Variants in ATAD1 observed in about 807,000 individuals in gnomAD.
The protein encoded by ATAD1 is outer mitochondrial transmembrane helix translocase.
A neutral mutation model predicts 42.7 loss-of-function variants in ATAD1; 18 were observed. That is an observed-to-expected ratio of 0.42 (90% CI 0.29 to 0.63). ATAD1 has a LOEUF of 0.63. Among genes scored for constraint, ATAD1 ranks in the 20% least tolerant of loss-of-function variants. The pLI is 0.19. For synonymous variants in ATAD1, 132 were observed against 143.1 expected (o/e 0.92, Z 0.55); for missense variants, 294 against 440.4 (o/e 0.67, Z 2.98).
chr10:87,832,425 C>T (rs910085106), intron 1 of ATAD1, among the ~76,000 whole-genome samples: 10 of 151,202 alleles, frequency 6.6e-5, no homozygotes, highest in Non-Finnish European at 1.0e-4. Context: ...TGCAGTGGGC[C>T]GTGTTTGTGT....
chr10:87,782,360 C>T (rs951909841), intron 5 of ATAD1, among the ~76,000 whole-genome samples: 2 of 152,126 alleles, frequency 1.3e-5, no homozygotes, highest in African/African-American at 4.8e-5. Context: ...TCAGTAAAAA[C>T]AAAGTTAAAT....
At chr10:87,755,885 G>C (rs1276706736) in intron 9 of ATAD1, among the ~76,000 whole-genome samples, 5 of 152,140 alleles carry the variant, frequency 3.3e-5, no homozygotes, top group African/African-American at 9.7e-5. Context: ...CTGGGCAAAA[G>C]AGCGAAACTC....
intron 2 of ATAD1, 94 bp from the exon 3 acceptor site, chr10:87,792,849 A>C: frequency 3.4e-6 from 3 of 887,984 alleles, no homozygotes; most frequent in Middle Eastern, 4.7e-4. Context: ...AGCAATGAAC[A>C]GATAGATATA....
At chr10:87,826,863 A>G (rs912238731) in intron 1 of ATAD1, among the ~76,000 whole-genome samples, 15 of 152,224 alleles carry the variant, frequency 9.9e-5, no homozygotes, top group Non-Finnish European at 1.5e-5. Context: ...ATATTTCTTC[A>G]GTTGAATCAA....
intron 2 of ATAD1, among the ~76,000 whole-genome samples, chr10:87,802,389 A>T: frequency 6.6e-6 from 1 of 152,094 alleles, no homozygotes; most frequent in Middle Eastern, 3.4e-3. Flanking sequence ...CTTGGAATCA[A>T]GAGGAGAGGA....
chr10:87,795,041 A>G (rs776093007), intron 2 of ATAD1, among the ~76,000 whole-genome samples: 4 of 152,206 alleles, frequency 2.6e-5, no homozygotes, highest in African/African-American at 9.7e-5. Context: ...AACCCTTAAA[A>G]TTAACCTGAG....
intron 1 of ATAD1, among the ~76,000 whole-genome samples, chr10:87,830,545 A>G (rs1391754327): frequency 6.6e-6 from 1 of 152,198 alleles, no homozygotes; most frequent in Non-Finnish European, 1.5e-5. Flanking sequence ...ATCATGTTTA[A>G]CTGAGAATTA....
chr10:87,768,980 C>T (rs751689484), intron 7 of ATAD1, among the ~76,000 whole-genome samples: 3 of 152,046 alleles, frequency 2.0e-5, no homozygotes, highest in Non-Finnish European at 2.9e-5. Flanking sequence ...ACTCAGGAGG[C>T]TCAGGTGGAA....
At position 87,775,428 on chromosome 10, in the gene ATAD1, A is replaced by G. The variant is rs565427555; in HGVS notation, c.690+893T>C. Among the ~76,000 whole-genome samples the G allele has an allele frequency of 9.6e-5, 14 of 145,402 alleles. No individual in the cohort carries two copies. In the East Asian group the frequency reaches 2.7e-3, roughly 28 times the overall value. On this transcript the variant is annotated intron_variant, in intron 6 of 9. Coordinates refer to ENST00000680024, the MANE Select transcript of ATAD1 (RefSeq NM_001321967.2). ...AGAGCAAGACTCCATCTCAAAAAAA[A>G]AAAAAAAAAAAAAGAGAAAATACTA... is the stretch of plus-strand genomic sequence containing the variant.
At chr10:87,831,304 A>G (rs1435198813) in intron 1 of ATAD1, among the ~76,000 whole-genome samples, 3 of 152,342 alleles carry the variant, frequency 2.0e-5, no homozygotes, top group African/African-American at 7.2e-5. Context: ...TCCCATGTTC[A>G]GAGAACCCTT....
intron 1 of ATAD1, among the ~76,000 whole-genome samples, chr10:87,828,434 C>T (rs989192474): frequency 6.6e-6 from 1 of 152,190 alleles, no homozygotes; most frequent in African/African-American, 2.4e-5. Flanking sequence ...CTCTTCAATT[C>T]TGTGAAGGTT....
In ATAD1 at chr10:87,831,617, A is replaced by G. The variant is rs74405512; in HGVS notation, c.-14+9570T>C. Among the ~76,000 whole-genome samples the G allele has an allele frequency of 3.4e-4, 52 of 152,356 alleles. No individual in the cohort carries two copies. The East Asian group carries it at 0.01, about 29-fold the overall frequency. On this transcript the variant is annotated intron_variant, in intron 1 of 4. Transcript: ENST00000495903. ...TTGGGTCCTCCATGCTGTACCAGTCACAATTTTGAGGGAGAGACTCAAGTG... is the reference window on the plus strand; with the variant it reads ...TTGGGTCCTCCATGCTGTACCAGTCGCAATTTTGAGGGAGAGACTCAAGTG...
At chr10:87,790,263 T>A (rs1856031789) in intron 4 of ATAD1, 47 bp downstream of exon 4, 4 of 1,584,358 alleles carry the variant, frequency 2.5e-6, no homozygotes, top group Admixed American at 2.0e-5. Context: ...AGTTTCAATG[T>A]TTTCTAGGAT....
chr10:87,769,022 G>C (rs1356337513), intron 7 of ATAD1, among the ~76,000 whole-genome samples: 1 of 152,184 alleles, frequency 6.6e-6, no homozygotes, highest in Non-Finnish European at 1.5e-5. Context: ...CAAGGCTGCA[G>C]TGGGCTATAA....
chr10:87,785,773 TTTTA>T (rs1395183876), intron 4 of ATAD1, among the ~76,000 whole-genome samples: 2 of 151,872 alleles, frequency 1.3e-5, no homozygotes, highest in Non-Finnish European at 1.5e-5. Flanking sequence ...ACTCTAGCAA[TTTTA>T]TTTTTCACAT....
rs1313556546 is a variant in ATAD1 at position 87,799,711 on chromosome 10, ACT to A, written c.163-6958_163-6957del. On this transcript the variant is annotated intron_variant, in intron 2 of 9. Coordinates refer to ENST00000680024, the MANE Select transcript of ATAD1 (RefSeq NM_001321967.2). ...AATGCAATGGGATAATTGTAGACAAACTCATCATAATTTAGAATCTAAAGTTA... is the reference window on the plus strand; with the variant it reads ...AATGCAATGGGATAATTGTAGACAAACATCATAATTTAGAATCTAAAGTTA... Among the ~76,000 whole-genome samples the A allele has an allele frequency of 2.6e-5, 4 of 152,088 alleles. No homozygotes were observed. The East Asian group carries it at 5.8e-4, about 22-fold the overall frequency.
chr10:87,813,768 T>G (rs1857289753), intron 2 of ATAD1, among the ~76,000 whole-genome samples: 1 of 152,106 alleles, frequency 6.6e-6, no homozygotes, highest in African/African-American at 2.4e-5. Context: ...ATTATGTTAT[T>G]ATACCATAAG....
intron 2 of ATAD1, among the ~76,000 whole-genome samples, chr10:87,797,207 T>C (rs1392543030): frequency 6.6e-6 from 1 of 152,188 alleles, no homozygotes; most frequent in Non-Finnish European, 1.5e-5. Flanking sequence ...GTTCTGGTCT[T>C]TCTCCCATCA....
intron 1 of ATAD1, among the ~76,000 whole-genome samples, chr10:87,824,535 A>C (rs531035106): frequency 2.7e-4 from 41 of 152,330 alleles, no homozygotes; most frequent in Middle Eastern, 3.4e-3. Context: ...CTAAGAATTC[A>C]ATGAGACAAT....
Sources: gnomAD v4.1 joint callset for allele counts (sites outside exome capture counted in the v4.1 genomes callset) on GRCh38, gnomAD v4.1.1 for gene constraint, MANE v1.5 for transcripts, NCBI Gene and HGNC (gene_info 2026-07-23, HGNC 2026-07-21) for gene names.